The following RBM47 variants were observed in gnomAD, a reference collection of about 807,000 sequenced individuals.
RBM47 encodes RNA-binding protein 47.
RBM47 carries 21 observed loss-of-function variants against 47.1 expected under a neutral mutation model. The observed-to-expected ratio is 0.45, with a 90% CI of 0.32 to 0.64. The LOEUF is 0.64. Ranked by LOEUF, RBM47 falls within the 30% of genes least tolerant of loss-of-function variation. The pLI is 0.05. For missense variants in RBM47, 708 were observed against 870.9 expected (o/e 0.81, Z 2.35); for synonymous variants, 375 against 361.7 (o/e 1.04, Z -0.42).
intron 1 of RBM47, among the ~76,000 whole-genome samples, chr4:40,610,362 C>T (rs1736150369): frequency 6.6e-6 from 1 of 152,000 alleles, no homozygotes. Flanking sequence ...GTGGCTCATG[C>T]CTGTAATCCC....
intron 2 of RBM47, among the ~76,000 whole-genome samples, chr4:40,477,884 G>C (rs746619789): frequency 1.3e-5 from 2 of 151,730 alleles, no homozygotes; most frequent in African/African-American, 2.4e-5. Flanking sequence ...ATATAGAAAA[G>C]TACACAGAAA....
intron 2 of RBM47, among the ~76,000 whole-genome samples, chr4:40,527,436 ATTTTTTT>A (rs60524903): frequency 0.017 from 1,732 of 104,786 alleles, 28 homozygotes; most frequent in East Asian, 0.11. Flanking sequence ...ACACCTGGCA[ATTTTTTT>A]TTTTTTTTTT....
chr4:40,500,308 C>T (rs1358902921), intron 2 of RBM47, among the ~76,000 whole-genome samples: 7 of 150,864 alleles, frequency 4.6e-5, no homozygotes, highest in Non-Finnish European at 8.9e-5. Context: ...GGCCAGACTT[C>T]GTCCCCCCCC....
intron 3 of RBM47, among the ~76,000 whole-genome samples, chr4:40,441,166 G>A (rs1397650969): frequency 6.6e-6 from 1 of 150,694 alleles, no homozygotes; most frequent in Non-Finnish European, 1.5e-5. Context: ...GCTTGTGCCT[G>A]TAATCCCAGC....
chr4:40,442,483 CAT>C (rs1370818601), intron 3 of RBM47, among the ~76,000 whole-genome samples: 1 of 152,130 alleles, frequency 6.6e-6, no homozygotes, highest in Non-Finnish European at 1.5e-5. Context: ...AAAAATTAAA[CAT>C]AGAATTACCA....
At chr4:40,549,013 CTT>C (rs1729287000) in intron 1 of RBM47, among the ~76,000 whole-genome samples, 1 of 151,644 alleles carries the variant, frequency 6.6e-6, no homozygotes, top group Non-Finnish European at 1.5e-5. Flanking sequence ...TCTTAAGAAA[CTT>C]TTAATTTCAC....
chr4:40,564,527 T>C (rs542612184), intron 1 of RBM47, among the ~76,000 whole-genome samples: 1 of 152,246 alleles, frequency 6.6e-6, no homozygotes, highest in South Asian at 2.1e-4. Flanking sequence ...AAGGAATACA[T>C]GGGGAATCTC....
At chr4:40,556,497 ACT>A (rs1730101153) in intron 1 of RBM47, among the ~76,000 whole-genome samples, 2 of 151,778 alleles carry the variant, frequency 1.3e-5, no homozygotes, top group African/African-American at 2.4e-5. Flanking sequence ...ACAAAGTGAG[ACT>A]CTGTCTCAAA....
At chr4:40,521,587 T>C (rs976993879) in intron 2 of RBM47, among the ~76,000 whole-genome samples, 10 of 152,226 alleles carry the variant, frequency 6.6e-5, no homozygotes, top group African/African-American at 2.2e-4. Context: ...GCACTTCTAC[T>C]GTATACCAAA....
chr4:40,481,065 A>G (rs1354548299), intron 2 of RBM47, among the ~76,000 whole-genome samples: 1 of 152,150 alleles, frequency 6.6e-6, no homozygotes, highest in Non-Finnish European at 1.5e-5. Flanking sequence ...GGTTTTGCCA[A>G]GTATTTTGTG....
At chr4:40,436,399 T>C in intron 5 of RBM47, 42 bp downstream of exon 5, 1 of 1,576,126 alleles carries the variant, frequency 6.3e-7, no homozygotes, top group Non-Finnish European at 8.7e-7. Flanking sequence ...AGGGCTGGGG[T>C]TTATGCTGAA....
Position 40,544,466 on chromosome 4 carries a change from AC to A in RBM47, c.-200del, listed in dbSNP as rs938029083. The A allele has an allele frequency of 5.3e-5, 8 of 152,292 alleles. No homozygotes were observed. The highest frequency in any genetic ancestry group is 5.2e-4 in the Admixed American group (8 of 15,270). 9.4% of individuals were successfully genotyped at this position (152,292 alleles called of 1,614,324 possible). Reference sequence around the variant, plus strand: ...AAGGATTGCTGATCTCTGCTGGGTGACCTGACGCAGAGTCTCTTTCCAAGGC... The same window carrying A: ...AAGGATTGCTGATCTCTGCTGGGTGACTGACGCAGAGTCTCTTTCCAAGGC... On this transcript the variant is annotated 5_prime_UTR_variant, in exon 2 of 7. It removes the in-frame stop codon of an upstream open reading frame in the 5' UTR. Transcript: ENST00000295971.
chr4:40,433,310 C>T (rs1711660080), intron 5 of RBM47, among the ~76,000 whole-genome samples: 1 of 152,118 alleles, frequency 6.6e-6, no homozygotes, highest in Admixed American at 6.6e-5. Context: ...TCTCCATGCT[C>T]ACTATTGTTC....
intron 1 of RBM47, among the ~76,000 whole-genome samples, chr4:40,610,453 AC>A (rs1736158100): frequency 6.6e-6 from 1 of 151,836 alleles, no homozygotes; most frequent in Admixed American, 6.6e-5. Context: ...TACTAAAAAT[AC>A]AAAAAATTAG....
At chr4:40,600,205 G>C (rs1460452548) in intron 1 of RBM47, among the ~76,000 whole-genome samples, 2 of 151,656 alleles carry the variant, frequency 1.3e-5, no homozygotes, top group Non-Finnish European at 2.9e-5. Flanking sequence ...TAGAGACAGG[G>C]TGTTGCTGTG....
intron 1 of RBM47, among the ~76,000 whole-genome samples, chr4:40,558,591 G>A (rs1484538925): frequency 6.6e-6 from 1 of 151,454 alleles, no homozygotes; most frequent in Admixed American, 6.6e-5. Flanking sequence ...ACTTTGGGAG[G>A]CTGAGGTTGG....
intron 1 of RBM47, among the ~76,000 whole-genome samples, chr4:40,579,150 C>T (rs1033717135): frequency 2.0e-5 from 3 of 148,026 alleles, no homozygotes; most frequent in African/African-American, 5.0e-5. Flanking sequence ...CAGCCAGGCA[C>T]GGTGGCTCAC....
chr4:40,578,845 C>T (rs1041661870), intron 1 of RBM47, among the ~76,000 whole-genome samples: 10 of 152,206 alleles, frequency 6.6e-5, no homozygotes, highest in African/African-American at 1.9e-4. Context: ...AAGCTGGGCA[C>T]GATGGCTCAC....
intron 3 of RBM47, among the ~76,000 whole-genome samples, chr4:40,460,972 C>T (rs577231041): frequency 6.7e-6 from 1 of 148,198 alleles, no homozygotes; most frequent in Admixed American, 6.7e-5. Flanking sequence ...TATAATTAAA[C>T]TAGGCAGTTA....
Sources: gnomAD v4.1 joint callset for allele counts (sites outside exome capture counted in the v4.1 genomes callset) on GRCh38, gnomAD v4.1.1 for gene constraint, MANE v1.5 for transcripts, NCBI Gene and HGNC (gene_info 2026-07-23, HGNC 2026-07-21) for gene names.